The following SH3GLB2 variants were observed in gnomAD, a reference collection of about 807,000 sequenced individuals.
SH3GLB2 encodes endophilin-B2.
Under a neutral mutation model 48.0 loss-of-function variants are expected in SH3GLB2, and 24 were observed. The ratio of observed to expected loss-of-function variants is 0.50; its 90% CI spans 0.36 to 0.70. The LOEUF is 0.70. Among genes scored for constraint, SH3GLB2 ranks in the 30% least tolerant of loss-of-function variants. The pLI is 0.00. For synonymous variants in SH3GLB2, 227 were observed against 207.6 expected, an observed-to-expected ratio of 1.09 and a Z score of -0.80; for missense variants, 425 against 516.0, an observed-to-expected ratio of 0.82 and a Z score of 1.71.
chr9:129,013,186 C>T (rs1442574583), intron 5 of SH3GLB2: 29 of 696,452 alleles, frequency 4.2e-5, no homozygotes, highest in Admixed American at 1.6e-4. Flanking sequence ...CTAACGTGTG[C>T]GTGCTTATGG....
intron 3 of SH3GLB2, among the ~76,000 whole-genome samples, chr9:129,017,041 G>A (rs1035084492): frequency 6.1e-5 from 9 of 148,346 alleles, no homozygotes; most frequent in South Asian, 2.1e-4. Context: ...TACGCCTCCC[G>A]GGTTCCAGCA....
rs17485716 is a variant in SH3GLB2, at chr9:129,014,081, G to C, written c.561+330C>G. ...GAGTTAGTAAGAAGGTGCCATGCCC[G>C]GGCAGAGCCGGGGACAGAGCCGAGC... On this transcript the variant is annotated intron_variant, in intron 5 of 10. Transcript: ENST00000372564. This position sits in a 1 kb window ranked among gnomAD's most constrained non-coding sequence, Gnocchi z 4.1. The C allele has an allele frequency of 1.2e-4, 68 of 569,552 alleles. No individual in the cohort carries two copies. Among genetic ancestry groups the C allele is most frequent in the Non-Finnish European group, 1.9e-4 (57 of 300,440 alleles). The allele number at this position is 569,552 out of a possible 1,614,324, so 35.3% of individuals were successfully genotyped here. A position where few individuals can be genotyped will look rare whatever the true frequency, so the allele number is the denominator to read the frequency against.
chr9:129,023,680 G>C (rs572523539), intron 1 of SH3GLB2, among the ~76,000 whole-genome samples: 3 of 152,288 alleles, frequency 2.0e-5, no homozygotes, highest in East Asian at 3.9e-4. Flanking sequence ...CAGCTGCGGT[G>C]GGGGGTGGCG....
chr9:129,008,633 G>T lies in SH3GLB2; in HGVS notation c.*51C>A. On this transcript the variant is annotated 3_prime_UTR_variant, in exon 11 of 11. Transcript: ENST00000372564. ...CAAACAAGTTAAGTGGCAGGGCTGCGCCCATCCTCTCCTGCCTAGGCCAGA... is the reference window on the plus strand; with the variant it reads ...CAAACAAGTTAAGTGGCAGGGCTGCTCCCATCCTCTCCTGCCTAGGCCAGA... The T allele has an allele frequency of 7.2e-7, 1 of 1,392,588 alleles. No homozygotes were observed. The allele number at this position is 1,392,588 out of a possible 1,614,324, so 86.3% of individuals were successfully genotyped here.
At chr9:129,012,902 C>T in intron 5 of SH3GLB2, 1 of 1,428,898 alleles carries the variant, frequency 7.0e-7, no homozygotes, top group South Asian at 1.2e-5. Flanking sequence ...GGGAGACCAG[C>T]TGCTTGCAAA....
chr9:129,014,840 G>T lies in SH3GLB2; in HGVS notation c.399C>A (p.Ile133=), dbSNP rs775436798. The T allele has an allele frequency of 6.2e-7, 1 of 1,614,000 alleles. No homozygotes were observed. Among genetic ancestry groups the T allele is most frequent in the Non-Finnish European group, 8.5e-7 (1 of 1,180,012 alleles). ...TGAGGAAGCTGATGGAGGCCGTGTG[G>T]ATAAAATCCCTCTCCGCGGCTCCCA... ...KQLGAAERDF[I]HTASISFLTP... The change falls in exon 4 of 11, where the codon ATC becomes ATA. Residue 133 remains isoleucine (I), a synonymous_variant. Transcript: ENST00000372564. The surrounding 1 kb of genome is among the most constrained non-coding windows in gnomAD (Gnocchi z 4.1).
rs935236445 is a variant in SH3GLB2, at chr9:129,028,172, G to A, written c.-18C>T. On this transcript the variant is annotated 5_prime_UTR_variant, in exon 1 of 11. Coordinates refer to ENST00000372564, the MANE Select transcript of SH3GLB2 (RefSeq NM_020145.4). ...AAGTCCATGGCGTGCCCGCACGGCC[G>A]CCGCGCACGGCCCGAGCGCAGCCGG... 1.6e-5 allele frequency: 23 copies of A among 1,404,492 alleles called. No individual in the cohort carries two copies. In the African/African-American group the frequency reaches 3.4e-4, roughly 21 times the overall value. The allele number at this position is 1,404,492 out of a possible 1,614,324, so 87.0% of individuals were successfully genotyped here.
intron 2 of SH3GLB2, 76 bp from the exon 3 acceptor site, chr9:129,021,295 C>T: frequency 2.2e-5 from 33 of 1,469,894 alleles, no homozygotes; most frequent in Non-Finnish European, 2.9e-5. Context: ...AGACCCAGAC[C>T]CGGCCCTGCC....
At chr9:129,015,326 A>G (rs1421705670) in intron 3 of SH3GLB2, among the ~76,000 whole-genome samples, 4 of 152,148 alleles carry the variant, frequency 2.6e-5, no homozygotes, top group Non-Finnish European at 5.9e-5. Context: ...GGGAGACCTT[A>G]TCTCTTTGAA....
intron 3 of SH3GLB2, among the ~76,000 whole-genome samples, chr9:129,017,367 C>T (rs1843492591): frequency 6.6e-6 from 1 of 152,212 alleles, no homozygotes; most frequent in Non-Finnish European, 1.5e-5. Flanking sequence ...GCACCCTCAA[C>T]AGCATAATAT....
At chr9:129,027,618 T>C (rs1442941046) in intron 1 of SH3GLB2, among the ~76,000 whole-genome samples, 1 of 151,968 alleles carries the variant, frequency 6.6e-6, no homozygotes, top group Non-Finnish European at 1.5e-5. Context: ...TATCCAAACG[T>C]GTGAAATGGC....
In SH3GLB2 at chr9:129,017,337, G is replaced by A. The variant is rs555237328; in HGVS notation, c.335-2433C>T. ...GAACACTATTAACCGATGTGGCCTCGCTGACACCTATACAGCACTGCACCC... is the reference window on the plus strand; with the variant it reads ...GAACACTATTAACCGATGTGGCCTCACTGACACCTATACAGCACTGCACCC... On this transcript the variant is annotated intron_variant, in intron 3 of 10. Coordinates refer to ENST00000372564, the MANE Select transcript of SH3GLB2 (RefSeq NM_020145.4). Among the ~76,000 whole-genome samples the A allele has an allele frequency of 5.9e-4, 90 of 152,160 alleles. 1 individual carries two copies. Among genetic ancestry groups the A allele is most frequent in the African/African-American group, 2.0e-3 (81 of 41,496 alleles).
intron 5 of SH3GLB2, chr9:129,013,219 TC>T: frequency 1.7e-6 from 1 of 599,194 alleles, no homozygotes; most frequent in East Asian, 2.8e-5. Flanking sequence ...GGAGCTTGAG[TC>T]CTCTGGAATG....
At chr9:129,024,017 G>C (rs775311419) in intron 1 of SH3GLB2, among the ~76,000 whole-genome samples, 4 of 152,202 alleles carry the variant, frequency 2.6e-5, no homozygotes, top group Non-Finnish European at 5.9e-5. Context: ...TTCTGGACCT[G>C]AGAGCCCCTG....
intron 3 of SH3GLB2, among the ~76,000 whole-genome samples, chr9:129,018,078 C>T (rs889847322): frequency 6.6e-6 from 1 of 151,250 alleles, no homozygotes; most frequent in Non-Finnish European, 1.5e-5. Context: ...GGCGACAGAG[C>T]GAGACTCCAT....
At chr9:129,019,000 C>T (rs72760506) in intron 3 of SH3GLB2, among the ~76,000 whole-genome samples, 2,223 of 151,886 alleles carry the variant, frequency 0.015, 46 homozygotes, top group Admixed American at 0.043. Context: ...TTATAGGGAC[C>T]GAAAACACGT....
intron 1 of SH3GLB2, among the ~76,000 whole-genome samples, chr9:129,026,824 T>G (rs1354183402): frequency 2.0e-5 from 3 of 152,124 alleles, no homozygotes; most frequent in Non-Finnish European, 4.4e-5. Context: ...GGCTCTGGGA[T>G]CCTGGCATCT....
In SH3GLB2 at chr9:129,022,273, C is replaced by T. The variant is rs752676035; in HGVS notation, c.205+9G>A. On this transcript the variant is annotated intron_variant, in intron 2 of 10. Coordinates refer to ENST00000372564, the MANE Select transcript of SH3GLB2 (RefSeq NM_020145.4). ...ACATCCCTCCCCGGGCCCACGAACA[C>T]GCACTCACTGGGGTTGGGCTGCAGC... is the stretch of plus-strand genomic sequence containing the variant. 18 of 1,612,898 alleles carry T rather than the reference C, an allele frequency of 1.1e-5. No homozygotes were observed. Among genetic ancestry groups the T allele is most frequent in the Admixed American group, 8.3e-5 (5 of 59,946 alleles).
intron 3 of SH3GLB2, among the ~76,000 whole-genome samples, chr9:129,017,217 C>T (rs553057106): frequency 2.0e-5 from 3 of 151,286 alleles, no homozygotes; most frequent in East Asian, 1.9e-4. Context: ...CCCAAAGTGG[C>T]GGGATTACAG....
Sources: allele counts gnomAD v4.1 joint callset (sites outside exome capture counted in the v4.1 genomes callset), GRCh38; gene constraint gnomAD v4.1.1; non-coding constraint Gnocchi (gnomAD v3.1); transcripts MANE v1.5; gene names NCBI Gene and HGNC (gene_info 2026-07-23, HGNC 2026-07-21).